The following TCF4 variants were observed in gnomAD, a reference collection of about 807,000 sequenced individuals.
TCF4 encodes the protein SL3-3 enhancer factor 2.
TCF4 carries 3 observed loss-of-function variants against 82.1 expected under a neutral mutation model. The observed-to-expected ratio is 0.04, with a 90% CI of 0.02 to 0.09. The LOEUF (loss-of-function observed/expected upper bound fraction) is 0.09, where lower values mean the gene tolerates loss of function less well. Ranked by LOEUF, TCF4 falls within the 10% of genes least tolerant of loss-of-function variation. The pLI is 1.00. For synonymous variants in TCF4, 276 were observed against 309.6 expected, an observed-to-expected ratio of 0.89 and a Z score of 1.14; for missense variants, 518 against 852.7, an observed-to-expected ratio of 0.61 and a Z score of 4.89.
intron 3 of TCF4, among the ~76,000 whole-genome samples, chr18:55,532,597 A>G (rs1239536261): frequency 6.6e-6 from 1 of 152,232 alleles, no homozygotes; most frequent in East Asian, 1.9e-4. Context: ...TTTGGAATAT[A>G]AACAATGGAG....
chr18:55,253,863 C>T (rs1014523855), intron 15 of TCF4, among the ~76,000 whole-genome samples: 4 of 151,988 alleles, frequency 2.6e-5, no homozygotes, highest in Non-Finnish European at 2.9e-5. Context: ...GCCAGGGTCA[C>T]CAAAATGAAT....
At chr18:55,307,850 A>G (rs937455523) in intron 8 of TCF4, among the ~76,000 whole-genome samples, 1 of 152,176 alleles carries the variant, frequency 6.6e-6, no homozygotes, top group Non-Finnish European at 1.5e-5. Flanking sequence ...TCTAGACTGT[A>G]GCAACGAGAG....
At chr18:55,369,833 T>G (rs1716625731) in intron 6 of TCF4, among the ~76,000 whole-genome samples, 1 of 152,266 alleles carries the variant, frequency 6.6e-6, no homozygotes, top group Non-Finnish European at 1.5e-5. Context: ...TAGCTACTGC[T>G]GAAATATCAG....
chr18:55,452,635 T>G (rs1221239377), intron 5 of TCF4: 1 of 152,480 alleles, frequency 6.6e-6, no homozygotes, highest in African/African-American at 2.4e-5. Context: ...GCCTGTTGCG[T>G]GACAAGGGTG....
intron 3 of TCF4, among the ~76,000 whole-genome samples, chr18:55,492,585 G>C (rs1283257921): frequency 6.6e-6 from 1 of 152,150 alleles, no homozygotes; most frequent in East Asian, 1.9e-4. Context: ...ACAAGACACA[G>C]ATTATTTTCT....
chr18:55,549,991 G>A (rs779851909), intron 3 of TCF4, among the ~76,000 whole-genome samples: 7 of 152,152 alleles, frequency 4.6e-5, no homozygotes, highest in Non-Finnish European at 8.8e-5. Context: ...TACGGTAACT[G>A]TGGATATATC....
At chr18:55,350,083 A>C (rs1211072697) in intron 8 of TCF4, among the ~76,000 whole-genome samples, 1 of 152,204 alleles carries the variant, frequency 6.6e-6, no homozygotes, top group Non-Finnish European at 1.5e-5. Context: ...AGCCCTGTAC[A>C]GGTAAAACTC....
intron 3 of TCF4, among the ~76,000 whole-genome samples, chr18:55,467,414 C>T (rs1450118954): frequency 2.0e-5 from 3 of 152,134 alleles, no homozygotes; most frequent in East Asian, 1.9e-4. Context: ...TATTAGGGTC[C>T]GTCTCATATC....
intron 3 of TCF4, among the ~76,000 whole-genome samples, chr18:55,498,299 A>C (rs2096659896): frequency 6.6e-6 from 1 of 152,132 alleles, no homozygotes; most frequent in African/African-American, 2.4e-5. Context: ...CGCCTTACAC[A>C]ACCCTGACAG....
chr18:55,517,510 G>T (rs1286285239), intron 3 of TCF4, among the ~76,000 whole-genome samples: 1 of 152,128 alleles, frequency 6.6e-6, no homozygotes, highest in Admixed American at 6.5e-5. Flanking sequence ...CAATAAAATG[G>T]TTATTGTTTT....
chr18:55,556,156 A>ACT (rs1555754956), intron 3 of TCF4, among the ~76,000 whole-genome samples: 9 of 151,390 alleles, frequency 5.9e-5, no homozygotes, highest in Non-Finnish European at 1.3e-4. Context: ...TTTCAGTGTG[A>ACT]TTTTTTTTTC....
At chr18:55,484,830 T>C (rs988838879) in intron 3 of TCF4, among the ~76,000 whole-genome samples, 1 of 152,248 alleles carries the variant, frequency 6.6e-6, no homozygotes, top group Non-Finnish European at 1.5e-5. Context: ...CAATATCTAT[T>C]TTTCTCTTCT....
chr18:55,500,524 T>C (rs1365023150), intron 3 of TCF4, among the ~76,000 whole-genome samples: 2 of 152,200 alleles, frequency 1.3e-5, no homozygotes, highest in African/African-American at 2.4e-5. Context: ...ATACGACTAT[T>C]TAATGAGTCA....
chr18:55,417,208 T>C (rs1034396763), intron 5 of TCF4, among the ~76,000 whole-genome samples: 7 of 152,218 alleles, frequency 4.6e-5, no homozygotes. Context: ...AGACCATTTT[T>C]CAAGAAGTGT....
At chr18:55,334,500 G>A (rs2147832589) in intron 8 of TCF4, among the ~76,000 whole-genome samples, 1 of 151,936 alleles carries the variant, frequency 6.6e-6, no homozygotes, top group African/African-American at 2.4e-5. Flanking sequence ...AAGACCCCCA[G>A]CTTAGAAAAG....
At chr18:55,505,754 A>G (rs2096750675) in intron 3 of TCF4, among the ~76,000 whole-genome samples, 1 of 145,136 alleles carries the variant, frequency 6.9e-6, no homozygotes, top group Non-Finnish European at 1.5e-5. Flanking sequence ...CAGTGAGCCG[A>G]GATCCCGCCA....
chr18:55,630,781 G>C (rs907357948), intron 2 of TCF4, among the ~76,000 whole-genome samples: 1 of 152,180 alleles, frequency 6.6e-6, no homozygotes, highest in African/African-American at 2.4e-5. Flanking sequence ...TGCTGACCTA[G>C]TTTGATGGCA....
chr18:55,383,832 C>G (rs1036984818), intron 6 of TCF4: 1 of 152,202 alleles, frequency 6.6e-6, no homozygotes, highest in Admixed American at 6.5e-5. Context: ...TTACACAAGC[C>G]AAATCAGACA....
chr18:55,491,892 A>G (rs1373086365), intron 3 of TCF4, among the ~76,000 whole-genome samples: 1 of 152,226 alleles, frequency 6.6e-6, no homozygotes, highest in East Asian at 1.9e-4. Context: ...TAGACAGAGA[A>G]AATGAGCATG....
Sources: gnomAD v4.1 joint callset for allele counts (sites outside exome capture counted in the v4.1 genomes callset) on GRCh38, gnomAD v4.1.1 for gene constraint, MANE v1.5 for transcripts, NCBI Gene and HGNC (gene_info 2026-07-23, HGNC 2026-07-21) for gene names.